DACT2: variants seen among roughly 807,000 people sequenced by gnomAD.
DACT2 encodes dishevelled binding antagonist of beta catenin 2, also known as dapper homolog 2.
DACT2 carries 20 observed loss-of-function variants against 22.2 expected under a neutral mutation model. The ratio of observed to expected loss-of-function variants is 0.90; its 90% CI spans 0.63 to 1.31. The LOEUF (loss-of-function observed/expected upper bound fraction) is 1.31, where lower values mean the gene tolerates loss of function less well. Ranked by LOEUF, DACT2 falls within the 50% of genes most tolerant of loss-of-function variation. The pLI, the probability that DACT2 is intolerant of heterozygous loss-of-function variation, is 0.00. For synonymous variants in DACT2, 463 were observed against 479.8 expected (o/e 0.96, Z 0.46); for missense variants, 1,048 against 1,061.4 (o/e 0.99, Z 0.18).
At chr6:168,295,562 G>A (rs552715334) in intron 3 of DACT2, among the ~76,000 whole-genome samples, 16 of 152,224 alleles carry the variant, frequency 1.1e-4, no homozygotes, top group Non-Finnish European at 1.3e-4. Context: ...GAAAATATGG[G>A]CATAATTTTA....
At chr6:168,312,104 C>T (rs945565361) in intron 1 of DACT2, among the ~76,000 whole-genome samples, 5 of 152,180 alleles carry the variant, frequency 3.3e-5, no homozygotes, top group Non-Finnish European at 5.9e-5. Context: ...TTACAGGCTT[C>T]GGCAGAGCTA....
chr6:168,311,073 G>C, intron 2 of DACT2, 79 bp downstream of exon 2: 17 of 1,408,264 alleles, frequency 1.2e-5, no homozygotes, highest in Non-Finnish European at 1.5e-5. Flanking sequence ...CAGCCCAAGA[G>C]GGGCTGGCGG....
chr6:168,303,049 G>C (rs1779137946), downstream of DACT2, among the ~76,000 whole-genome samples: 1 of 152,136 alleles, frequency 6.6e-6, no homozygotes, highest in African/African-American at 2.4e-5. Flanking sequence ...AAAGCCACAT[G>C]AAATCTGTAT....
intron 3 of DACT2, among the ~76,000 whole-genome samples, chr6:168,296,312 C>A (rs932279071): frequency 8.8e-5 from 13 of 148,248 alleles, no homozygotes; most frequent in Middle Eastern, 3.9e-3. Context: ...AAGAGTGGAT[C>A]CATCCACAGT....
rs946679479 is a variant in DACT2 at position 168,307,136 on chromosome 6, A to C, written c.*296T>G. On this transcript the variant is annotated 3_prime_UTR_variant, in exon 4 of 4. Transcript: ENST00000366795. This position sits in a 1 kb window ranked among gnomAD's most constrained non-coding sequence, Gnocchi z 5.3. ...AAGCCATGGGAGGATGACAACATGGAAACAAGGTGCATGCCGGGAAGCAGC... is the reference window on the plus strand; with the variant it reads ...AAGCCATGGGAGGATGACAACATGGCAACAAGGTGCATGCCGGGAAGCAGC... 1.7e-6 allele frequency: 2 copies of C among 1,203,656 alleles called. No homozygotes were observed. Among genetic ancestry groups the C allele is most frequent in the Non-Finnish European group, 2.1e-6 (2 of 966,018 alleles). The allele number at this position is 1,203,656 out of a possible 1,614,324, so 74.6% of individuals were successfully genotyped here.
Position 168,308,787 on chromosome 6 carries a change from C to G in DACT2, c.970G>C (p.Glu324Gln), listed in dbSNP as rs753191558. The G allele has an allele frequency of 6.4e-7, 1 of 1,551,430 alleles. No individual in the cohort carries two copies. Among genetic ancestry groups the G allele is most frequent in the Non-Finnish European group, 8.7e-7 (1 of 1,146,996 alleles). ...GCTCTGGCCCTGGCCGGGCCAGCCT[C>G]GAGGACCGGCCCAGTCTGGATGGTG... is the stretch of plus-strand genomic sequence containing the variant. Reference protein sequence around the residue: ...LNTIQTGPVLEAGPARARAYI... With the variant: ...LNTIQTGPVLQAGPARARAYI... Residue 324 changes from glutamate to glutamine, a missense_variant, in exon 4 of 4, where the codon GAG (glutamate) becomes CAG (glutamine). By Grantham distance (29) the Glu-to-Gln change is conservative (BLOSUM62 2). Coordinates refer to ENST00000366795, the MANE Select transcript of DACT2 (RefSeq NM_214462.5).
At chr6:168,294,577 G>GTGTATATATATATATATATATATATATA (rs1177617130) in intron 4 of DACT2, 1 of 114,786 alleles carries the variant, frequency 8.7e-6, no homozygotes, top group African/African-American at 5.8e-5. Flanking sequence ...GTGTGTGTGT[G>GTGTATATATATATATATATATATATATA]TATATATATA....
chr6:168,315,720 C>G (rs973436933), intron 1 of DACT2, among the ~76,000 whole-genome samples: 1 of 152,188 alleles, frequency 6.6e-6, no homozygotes, highest in East Asian at 1.9e-4. Context: ...TGGTAACAAT[C>G]GTTCTCACCT....
intron 3 of DACT2, among the ~76,000 whole-genome samples, chr6:168,301,139 G>T (rs772845273): frequency 1.3e-5 from 2 of 152,212 alleles, no homozygotes; most frequent in Non-Finnish European, 2.9e-5. Context: ...AGCGGCCAGC[G>T]ACCGGGGCCT....
intron 3 of DACT2, chr6:168,294,797 A>G (rs1171815025): frequency 1.0e-5 from 5 of 485,648 alleles, no homozygotes; most frequent in East Asian, 3.7e-5. Context: ...ATGATTCTGC[A>G]TGCAACTTAG....
At chr6:168,311,044 G>A in intron 2 of DACT2, 108 bp downstream of exon 2, 2 of 1,368,596 alleles carry the variant, frequency 1.5e-6, no homozygotes, top group Admixed American at 2.9e-5. Flanking sequence ...CGGACACTAG[G>A]ATACCTGGAA....
chr6:168,304,372 T>G (rs1394074197), downstream of DACT2, among the ~76,000 whole-genome samples: 1 of 152,264 alleles, frequency 6.6e-6, no homozygotes, highest in Non-Finnish European at 1.5e-5. Context: ...TCTTGCAATA[T>G]CCCTGTTCTC....
In DACT2 at chr6:168,308,712, C is replaced by G; in HGVS notation, c.1045G>C (p.Gly349Arg). ...AGAGGTCCCTGTTCTCCCTCGCTAC[C>G]CTTTGCTGGGGTCTCCCGGCCCCAC... ...HLWGRETPAKGSEGEQGPLRH... is the reference protein window; with the variant it reads ...HLWGRETPAKRSEGEQGPLRH... The change falls in exon 4 of 4, where the codon GGT becomes CGT. Residue 349 changes from glycine to arginine, a missense_variant. Coordinates refer to ENST00000366795, the MANE Select transcript of DACT2 (RefSeq NM_214462.5). The G allele has an allele frequency of 6.5e-7, 1 of 1,549,698 alleles. No homozygotes were observed. Among genetic ancestry groups the G allele is most frequent in the African/African-American group, 1.4e-5 (1 of 73,164 alleles).
Position 168,307,592 on chromosome 6 carries a change from G to A in DACT2, c.2165C>T (p.Ala722Val). ...DCDLALGYVA[A>V]GHAELAWTQE... is the part of the protein sequence containing the mutation. ...GGTCCAGGCCAGCTCCGCATGCCCG[G>A]CCGCCACATAGCCCAGTGCCAGGTC... The change falls in exon 4 of 4, where the codon GCC becomes GTC. Residue 722 changes from alanine (A) to valine (V), a missense_variant. Coordinates refer to ENST00000366795, the MANE Select transcript of DACT2 (RefSeq NM_214462.5). This position sits in a 1 kb window ranked among gnomAD's most constrained non-coding sequence, Gnocchi z 5.3. 1 of 1,549,674 alleles carries A rather than the reference G, an allele frequency of 6.5e-7. No individual in the cohort carries two copies. Among genetic ancestry groups the A allele is most frequent in the Non-Finnish European group, 8.7e-7 (1 of 1,146,152 alleles).
chr6:168,297,813 C>T (rs187097199), intron 3 of DACT2, among the ~76,000 whole-genome samples: 27 of 152,302 alleles, frequency 1.8e-4, no homozygotes, highest in African/African-American at 5.3e-4. Flanking sequence ...GAGGAATGGA[C>T]GGATGAACTT....
Position 168,308,872 on chromosome 6 carries a change from GGTTTCCTTA to G in DACT2, c.876_884del (p.Lys293_Thr295del). 2 of 1,551,032 alleles carry G rather than the reference GGTTTCCTTA, an allele frequency of 1.3e-6. No homozygotes were observed. Among genetic ancestry groups the G allele is most frequent in the South Asian group, 2.4e-5 (2 of 84,042 alleles). The stretch of plus-strand genomic sequence containing the variant: ...GGAACGAGGGGCCACCTCTCTGTGG[GGTTTCCTTA>G]GTCAGGACAAACAGGGGGCTCTGTA... On this transcript the variant is annotated inframe_deletion, in exon 4 of 4. Coordinates refer to ENST00000366795, the MANE Select transcript of DACT2 (RefSeq NM_214462.5).
rs1336132877 is a variant in DACT2, at chr6:168,308,771, C to T, written c.986G>A (p.Arg329Lys). 8 of 1,551,234 alleles carry T rather than the reference C, an allele frequency of 5.2e-6. No homozygotes were observed. The highest frequency in any genetic ancestry group is 3.3e-4 in the Middle Eastern group (2 of 6,016). Reference protein sequence around the residue: ...TGPVLEAGPARARAYIDRLLH... With the variant: ...TGPVLEAGPAKARAYIDRLLH... ...CAACCTGTCGATATAAGCTCTGGCC[C>T]TGGCCGGGCCAGCCTCGAGGACCGG... The change falls in exon 4 of 4, where the codon AGG becomes AAG. Residue 329 changes from arginine (R) to lysine (K), a missense_variant. Coordinates refer to ENST00000366795, the MANE Select transcript of DACT2 (RefSeq NM_214462.5).
Position 168,319,763 on chromosome 6 carries a change from G to A in DACT2, c.-130C>T, listed in dbSNP as rs1779604448. 1 of 1,173,244 alleles carries A rather than the reference G, an allele frequency of 8.5e-7. No individual in the cohort carries two copies. The highest frequency in any genetic ancestry group is 3.7e-5 in the East Asian group (1 of 26,668). The allele number at this position is 1,173,244 out of a possible 1,614,324, so 72.7% of individuals were successfully genotyped here. On this transcript the variant is annotated 5_prime_UTR_variant, in exon 1 of 4. Coordinates refer to ENST00000366795, the MANE Select transcript of DACT2 (RefSeq NM_214462.5). The stretch of plus-strand genomic sequence containing the variant: ...CGCCCCCGGCTCCGCAGGTCGCCAA[G>A]GTGGGCTGGAATCTGTGGCCAGGCG...
intron 3 of DACT2, chr6:168,300,166 G>A (rs12202943): frequency 0.12 from 18,130 of 152,580 alleles, 1,122 homozygotes; most frequent in Middle Eastern, 0.17. Flanking sequence ...TTTCCTGAAC[G>A]ATGGCCAGTG....
Sources: gnomAD v4.1 joint callset for allele counts (sites outside exome capture counted in the v4.1 genomes callset) on GRCh38, gnomAD v4.1.1 for gene constraint, Gnocchi (gnomAD v3.1) non-coding constraint, MANE v1.5 for transcripts, NCBI Gene and HGNC (gene_info 2026-07-23, HGNC 2026-07-21) for gene names.